The following CDKAL1 variants were observed in gnomAD, a reference collection of about 807,000 sequenced individuals.
CDKAL1 encodes the protein threonylcarbamoyladenosine tRNA methylthiotransferase.
A neutral mutation model predicts 68.2 loss-of-function variants in CDKAL1; 32 were observed. That is an observed-to-expected ratio of 0.47 (90% CI 0.35 to 0.63). CDKAL1 has a LOEUF of 0.63. CDKAL1 is among the 30% of genes least tolerant of loss of function. The pLI, the probability that CDKAL1 is intolerant of heterozygous loss-of-function variation, is 0.00. For synonymous variants in CDKAL1, 234 were observed against 244.3 expected (o/e 0.96, Z 0.39); for missense variants, 606 against 696.7 (o/e 0.87, Z 1.47).
intron 11 of CDKAL1, among the ~76,000 whole-genome samples, chr6:21,047,053 G>GA (rs1406946665): frequency 1.3e-5 from 2 of 151,592 alleles, no homozygotes; most frequent in East Asian, 1.9e-4. Context: ...TCTAAAAATA[G>GA]AATTGAGCTT....
At chr6:20,637,149 G>C (rs1433142573) in intron 4 of CDKAL1, among the ~76,000 whole-genome samples, 1 of 152,132 alleles carries the variant, frequency 6.6e-6, no homozygotes, top group East Asian at 1.9e-4. Flanking sequence ...TTAGGGACAC[G>C]GTGGGTAGTT....
chr6:20,983,052 GT>G (rs1443351991), intron 10 of CDKAL1, among the ~76,000 whole-genome samples: 8 of 152,158 alleles, frequency 5.3e-5, no homozygotes, highest in Admixed American at 4.6e-4. Flanking sequence ...GGCTTACCAT[GT>G]AGTAACTAGA....
At chr6:20,878,665 G>T (rs1399769310) in intron 9 of CDKAL1, among the ~76,000 whole-genome samples, 1 of 151,810 alleles carries the variant, frequency 6.6e-6, no homozygotes, top group Non-Finnish European at 1.5e-5. Flanking sequence ...TCGGGGAGTG[G>T]GCGGAGGTTG....
intron 8 of CDKAL1, among the ~76,000 whole-genome samples, chr6:20,790,418 A>G (rs779072295): frequency 5.4e-4 from 83 of 152,302 alleles, no homozygotes; most frequent in Non-Finnish European, 1.0e-3. Context: ...TGTCTTACAC[A>G]GAGAATGATG....
intron 15 of CDKAL1, among the ~76,000 whole-genome samples, chr6:21,210,721 T>A (rs1779121222): frequency 6.6e-6 from 1 of 152,164 alleles, no homozygotes; most frequent in Non-Finnish European, 1.5e-5. Flanking sequence ...TGACTTGAGG[T>A]ATCAGGAAAT....
At chr6:20,774,597 A>T (rs1053582380) in intron 7 of CDKAL1, among the ~76,000 whole-genome samples, 1 of 152,228 alleles carries the variant, frequency 6.6e-6, no homozygotes, top group Non-Finnish European at 1.5e-5. Flanking sequence ...GAAGATCGAT[A>T]GACAGCATTG....
chr6:20,755,063 G>A (rs1774109476), intron 6 of CDKAL1, among the ~76,000 whole-genome samples: 6 of 152,082 alleles, frequency 3.9e-5, no homozygotes, highest in Admixed American at 3.9e-4. Context: ...ATTTTTAACT[G>A]CATAGGAAAA....
At chr6:20,932,743 T>G (rs908324506) in intron 9 of CDKAL1, among the ~76,000 whole-genome samples, 1 of 152,122 alleles carries the variant, frequency 6.6e-6, no homozygotes, top group East Asian at 1.9e-4. Context: ...CAAAAATGTT[T>G]CCCTAAAGAA....
intron 4 of CDKAL1, among the ~76,000 whole-genome samples, chr6:20,600,046 TTAGA>T (rs1394958036): frequency 6.6e-6 from 1 of 152,172 alleles, no homozygotes; most frequent in African/African-American, 2.4e-5. Context: ...TGCTTGGTAC[TTAGA>T]TAGTTTAGGA....
At position 20,970,896 on chromosome 6, in the gene CDKAL1, C is replaced by A. The variant is rs1240216005; in HGVS notation, c.909+15311C>A. On this transcript the variant is annotated intron_variant, in intron 10 of 15. Coordinates refer to ENST00000274695, the MANE Select transcript of CDKAL1 (RefSeq NM_017774.3). ...ACCAAGTCTCGCTCTGTCACCCAGG[C>A]TGAGTGCAATGGCATGATCTCAGCT... is the stretch of plus-strand genomic sequence containing the variant. Among the ~76,000 whole-genome samples the A allele has an allele frequency of 2.0e-5, 3 of 152,224 alleles. 1 individual carries two copies. The highest frequency in any genetic ancestry group is 7.2e-5 in the African/African-American group (3 of 41,446).
chr6:20,802,157 G>A (rs9460558), intron 8 of CDKAL1, among the ~76,000 whole-genome samples: 60,595 of 151,356 alleles, frequency 0.4, 12,406 homozygotes, highest in East Asian at 0.53. Context: ...AATTAGCTGG[G>A]TATGTTGGTG....
chr6:20,893,760 G>A (rs141987048), intron 9 of CDKAL1, among the ~76,000 whole-genome samples: 1 of 152,256 alleles, frequency 6.6e-6, no homozygotes, highest in Non-Finnish European at 1.5e-5. Context: ...ACTTCATAGA[G>A]TTGTGATAAG....
At chr6:20,667,389 G>A (rs990010303) in intron 5 of CDKAL1, among the ~76,000 whole-genome samples, 6 of 152,152 alleles carry the variant, frequency 3.9e-5, no homozygotes, top group African/African-American at 2.4e-5. Context: ...TGTTGACAAT[G>A]ATACCTGAAT....
At chr6:20,690,715 A>G (rs978373539) in intron 5 of CDKAL1, among the ~76,000 whole-genome samples, 1 of 152,076 alleles carries the variant, frequency 6.6e-6, no homozygotes, top group African/African-American at 2.4e-5. Context: ...GTATACTTAT[A>G]TGAGTTTCTT....
At chr6:20,783,829 T>A (rs1775537972) in intron 8 of CDKAL1, among the ~76,000 whole-genome samples, 1 of 152,218 alleles carries the variant, frequency 6.6e-6, no homozygotes, top group Admixed American at 6.5e-5. Flanking sequence ...TAGTACAAAG[T>A]GAGTACAATT....
intron 7 of CDKAL1, among the ~76,000 whole-genome samples, chr6:20,768,652 G>T (rs1774804838): frequency 6.6e-6 from 1 of 152,156 alleles, no homozygotes; most frequent in Admixed American, 6.5e-5. Flanking sequence ...TCTGGGCAGT[G>T]ACAGGGAGCG....
chr6:21,069,707 A>G (rs1428952543), intron 12 of CDKAL1, among the ~76,000 whole-genome samples: 1 of 150,514 alleles, frequency 6.6e-6, no homozygotes, highest in Non-Finnish European at 1.5e-5. Context: ...GAGTTTGTAT[A>G]GAAGTAAAGT....
intron 5 of CDKAL1, among the ~76,000 whole-genome samples, chr6:20,675,792 T>TAA (rs60167989): frequency 2.7e-5 from 4 of 147,658 alleles, no homozygotes; most frequent in African/African-American, 7.4e-5. Flanking sequence ...TTCTACTGAT[T>TAA]AAAAAAAAAA....
chr6:21,038,816 A>G (rs201314), intron 11 of CDKAL1, among the ~76,000 whole-genome samples: 65,632 of 151,988 alleles, frequency 0.43, 14,551 homozygotes, highest in South Asian at 0.54. Context: ...TTGAAAGATG[A>G]CCAGTGTATA....
Sources: gnomAD v4.1 joint callset for allele counts (sites outside exome capture counted in the v4.1 genomes callset) on GRCh38, gnomAD v4.1.1 for gene constraint, MANE v1.5 for transcripts, NCBI Gene and HGNC (gene_info 2026-07-23, HGNC 2026-07-21) for gene names.